RTTN: variants seen among roughly 807,000 people sequenced by gnomAD.
RTTN encodes rotatin.
A neutral mutation model predicts 269.2 loss-of-function variants in RTTN; 182 were observed. The observed-to-expected ratio is 0.68, with a 90% CI of 0.60 to 0.76. The LOEUF is 0.76. Among genes scored for constraint, RTTN ranks in the 30% least tolerant of loss-of-function variants. RTTN has a pLI of 0.00. For synonymous variants in RTTN, 1,006 were observed against 963.5 expected, an observed-to-expected ratio of 1.04 and a Z score of -0.82; for missense variants, 2,545 against 2,608.6, an observed-to-expected ratio of 0.98 and a Z score of 0.53.
intron 38 of RTTN, among the ~76,000 whole-genome samples, chr18:70,052,322 C>A (rs2057693172): frequency 6.6e-6 from 1 of 152,182 alleles, no homozygotes; most frequent in South Asian, 2.1e-4. Context: ...TTCCCCAGGG[C>A]AATCCTTGGT....
chr18:70,193,106 A>T (rs1303470072), intron 8 of RTTN, 182 bp downstream of exon 8: 3 of 557,028 alleles, frequency 5.4e-6, no homozygotes, highest in South Asian at 4.9e-5. Context: ...ATCTGTCCTT[A>T]CCGTGGATCA....
At position 70,017,668 on chromosome 18, in the gene RTTN, A is replaced by T; in HGVS notation, c.6160T>A (p.Phe2054Ile). Residue 2054 changes from phenylalanine to isoleucine, a missense_variant, in exon 46 of 49, where the codon TTC becomes ATC. By Grantham distance (21) the Phe-to-Ile change is conservative. Coordinates refer to ENST00000640769, the MANE Select transcript of RTTN (RefSeq NM_173630.4). ...GCTAGAGAGAGGAAGTTCTGTAAGA[A>T]GTTACTCTGTGGATAAATAGAGAGA... ...DCKGVIQKSN[F>I]LQNFLSLALP... 6.2e-7 allele frequency: 1 copy of T among 1,610,000 alleles called. No individual in the cohort carries two copies. Among genetic ancestry groups the T allele is most frequent in the Non-Finnish European group, 8.5e-7 (1 of 1,177,912 alleles).
At chr18:70,141,294 A>G (rs1457406420) in intron 19 of RTTN, among the ~76,000 whole-genome samples, 2 of 152,202 alleles carry the variant, frequency 1.3e-5, no homozygotes, top group Non-Finnish European at 2.9e-5. Context: ...TAAATATTAA[A>G]GTACATACAT....
In RTTN at chr18:70,188,040, C is replaced by G. The variant is rs1236369514; in HGVS notation, c.1305+68G>C. On this transcript the variant is annotated intron_variant, in intron 10 of 48. Coordinates refer to ENST00000640769, the MANE Select transcript of RTTN (RefSeq NM_173630.4). ...TTGAACACGAATGAGACAATGAAAC[C>G]GGCTTAAAAGAACCAAAATCTTAAA... is the stretch of plus-strand genomic sequence containing the variant. 3 of 839,090 alleles carry G rather than the reference C, an allele frequency of 3.6e-6. No homozygotes were observed. The South Asian group carries it at 4.5e-5, about 13-fold the overall frequency. 52.0% of individuals were successfully genotyped at this position (839,090 alleles called of 1,614,324 possible). A position where few individuals can be genotyped will look rare whatever the true frequency, so the allele number is the denominator to read the frequency against.
intron 10 of RTTN, among the ~76,000 whole-genome samples, chr18:70,181,589 A>G (rs908057223): frequency 6.6e-6 from 1 of 152,162 alleles, no homozygotes; most frequent in African/African-American, 2.4e-5. Context: ...GATGTTACTG[A>G]TATTAGTACT....
At chr18:70,122,115 ATAAAG>A (rs1453711666) in intron 25 of RTTN, among the ~76,000 whole-genome samples, 5 of 152,172 alleles carry the variant, frequency 3.3e-5, no homozygotes, top group African/African-American at 1.2e-4. Flanking sequence ...AAATAAGGTA[ATAAAG>A]TGAGGGGGAA....
intron 28 of RTTN, among the ~76,000 whole-genome samples, chr18:70,101,584 T>C (rs901967434): frequency 6.6e-6 from 1 of 152,218 alleles, no homozygotes; most frequent in Admixed American, 6.5e-5. Context: ...CCTTCATTTC[T>C]GCTCTGTTCT....
intron 14 of RTTN, among the ~76,000 whole-genome samples, chr18:70,153,211 T>C (rs1022969084): frequency 6.6e-6 from 1 of 151,954 alleles, no homozygotes; most frequent in Non-Finnish European, 1.5e-5. Flanking sequence ...ACTATATACA[T>C]TGAATGTATA....
chr18:70,127,055 C>T (rs2059883715), intron 25 of RTTN, among the ~76,000 whole-genome samples: 1 of 152,074 alleles, frequency 6.6e-6, no homozygotes, highest in South Asian at 2.1e-4. Flanking sequence ...TAAAGGACCG[C>T]CACATGGCAA....
rs912795175 is a variant in RTTN, at chr18:70,104,981, G to A, written c.3903+4517C>T. On this transcript the variant is annotated intron_variant, in intron 28 of 48. Transcript: ENST00000640769. ...TGAGGAGGCTGTCTGTCTGTTCTCA[G>A]ATCTCAAACTCTGTAACGGGAGAAC... Among the ~76,000 whole-genome samples the A allele has an allele frequency of 1.6e-4, 25 of 152,206 alleles. 1 individual carries two copies. Among genetic ancestry groups the A allele is most frequent in the Non-Finnish European group, 3.2e-4 (22 of 68,042 alleles).
At chr18:70,008,492 G>A (rs2056266621) in intron 46 of RTTN, 1 of 151,988 alleles carries the variant, frequency 6.6e-6, no homozygotes, top group African/African-American at 2.4e-5. Context: ...CCAATGCAAG[G>A]AAGCTAAGAA....
At chr18:70,129,238 T>A (rs1193066170) in intron 23 of RTTN, 3 of 152,000 alleles carry the variant, frequency 2.0e-5, no homozygotes, top group Middle Eastern at 3.2e-3. Context: ...CTAACATGCA[T>A]GTAAATTTGC....
chr18:70,191,570 C>T (rs542931164), intron 8 of RTTN, among the ~76,000 whole-genome samples: 1 of 152,280 alleles, frequency 6.6e-6, no homozygotes, highest in South Asian at 2.1e-4. Context: ...ATCCCATTGT[C>T]CTTGGCTTTC....
At chr18:70,074,020 A>C in intron 33 of RTTN, 26 bp from the exon 34 acceptor site, 1 of 1,440,236 alleles carries the variant, frequency 6.9e-7, no homozygotes, top group Non-Finnish European at 9.8e-7. Flanking sequence ...AATTGTTAAC[A>C]TGGACACCCT....
At chr18:70,085,390 T>C (rs1242698577) in intron 32 of RTTN, among the ~76,000 whole-genome samples, 4 of 152,166 alleles carry the variant, frequency 2.6e-5, no homozygotes, top group Non-Finnish European at 4.4e-5. Flanking sequence ...AGTTAAATGC[T>C]ACCTGGGCCT....
chr18:70,167,593 C>A (rs1234939549), intron 12 of RTTN, among the ~76,000 whole-genome samples: 5 of 151,474 alleles, frequency 3.3e-5, no homozygotes, highest in Admixed American at 6.6e-5. Flanking sequence ...TGTGGTGGCA[C>A]GAGCCTGTAA....
At chr18:70,041,197 G>A (rs2057329771) in intron 40 of RTTN, among the ~76,000 whole-genome samples, 1 of 151,614 alleles carries the variant, frequency 6.6e-6, no homozygotes, top group Non-Finnish European at 1.5e-5. Context: ...GTGACAGAGT[G>A]AGACTCTGTC....
At chr18:70,121,483 A>G (rs2059736310) in intron 26 of RTTN, 73 bp downstream of exon 26, 1 of 1,242,174 alleles carries the variant, frequency 8.1e-7, no homozygotes, top group Non-Finnish European at 1.1e-6. Flanking sequence ...CCTTTTCCAT[A>G]ATATAATGTT....
chr18:70,019,346 T>C (rs1355555876), intron 45 of RTTN: 1 of 152,110 alleles, frequency 6.6e-6, no homozygotes, highest in Admixed American at 6.5e-5. Context: ...AAGGAAGTGG[T>C]GGAAAGCACT....
Sources: allele counts gnomAD v4.1 joint callset (sites outside exome capture counted in the v4.1 genomes callset), GRCh38; gene constraint gnomAD v4.1.1; transcripts MANE v1.5; gene names NCBI Gene and HGNC (gene_info 2026-07-23, HGNC 2026-07-21).